The following OGDHL variants were observed in gnomAD, a reference collection of about 807,000 sequenced individuals.
The protein encoded by OGDHL is oxoglutarate dehydrogenase L.
A neutral mutation model predicts 109.6 loss-of-function variants in OGDHL; 79 were observed. That is an observed-to-expected ratio of 0.72 (90% CI 0.60 to 0.87). OGDHL has a LOEUF of 0.87. Among genes scored for constraint, OGDHL ranks in the 40% least tolerant of loss-of-function variants. The pLI, the probability that OGDHL is intolerant of heterozygous loss-of-function variation, is 0.00. For missense variants in OGDHL, 1,275 were observed against 1,362.2 expected (o/e 0.94, Z 1.01); for synonymous variants, 528 against 537.2 (o/e 0.98, Z 0.24).
In OGDHL at chr10:49,744,073, C is replaced by T. The variant is rs746358003; in HGVS notation, c.1782G>A (p.Thr594=). The T allele has an allele frequency of 1.3e-5, 21 of 1,614,098 alleles. 1 individual carries two copies. In the South Asian group the frequency reaches 1.5e-4, roughly 12 times the overall value. The part of the protein sequence containing the change: ...GEPKSMTCPA[T]GIPEDMLTHI... ...GGGTGAGCATGTCCTCAGGGATCCC[C>T]GTGGCTGGGCATGTCATGCTCTTGG... is the stretch of plus-strand genomic sequence containing the variant. Residue 594 remains threonine, a synonymous_variant, in exon 14 of 23, where the codon ACG becomes ACA. Transcript: ENST00000374103.
chr10:49,755,720 G>A (rs1171929209), intron 3 of OGDHL, among the ~76,000 whole-genome samples: 1 of 152,154 alleles, frequency 6.6e-6, no homozygotes, highest in East Asian at 1.9e-4. Context: ...ACTCTCTAAT[G>A]CCTCGTCTTG....
chr10:49,750,996 A>G lies in OGDHL; in HGVS notation c.750-11T>C, dbSNP rs1842550628. On this transcript the variant is annotated splice_polypyrimidine_tract_variant and intron_variant, in intron 6 of 22. Transcript: ENST00000374103. The stretch of plus-strand genomic sequence containing the variant: ...AGGAAGTCTTCAAACCTGCTTGGGG[A>G]GAGGATGGGAAGAGGAAAGGGAAAG... 2 of 1,587,990 alleles carry G rather than the reference A, an allele frequency of 1.3e-6. No homozygotes were observed. Among genetic ancestry groups the G allele is most frequent in the East Asian group, 2.3e-5 (1 of 44,254 alleles).
At chr10:49,741,180 G>C (rs916091718) in intron 15 of OGDHL, among the ~76,000 whole-genome samples, 1 of 152,100 alleles carries the variant, frequency 6.6e-6, no homozygotes, top group Non-Finnish European at 1.5e-5. Flanking sequence ...ACACTTCCCA[G>C]GTGCCAGCTA....
rs12357255 is a variant in OGDHL at position 49,736,483 on chromosome 10, G to A, written c.2628C>T (p.Ala876=). ...SFQRVIPEDG[A]AARAPEQVQR... is the part of the protein sequence containing the mutation. ...GCACCTGCTCAGGGGCCCGTGCTGC[G>A]GCCCCATCTTCAGGAATCACCCGCT... Residue 876 remains alanine, a synonymous_variant, in exon 21 of 23, where the codon GCC becomes GCT. Transcript: ENST00000374103. 58,157 of 1,613,706 alleles carry A rather than the reference G, an allele frequency of 0.036. 1,283 individuals are homozygous for A. The highest frequency in any genetic ancestry group is 0.068 in the Middle Eastern group (411 of 6,062).
intron 6 of OGDHL, 61 bp from the exon 7 acceptor site, chr10:49,751,046 C>A: frequency 1.4e-6 from 2 of 1,454,726 alleles, no homozygotes; most frequent in South Asian, 1.3e-5. Context: ...GGGACTGGGG[C>A]TCACAGGGGC....
intron 13 of OGDHL, among the ~76,000 whole-genome samples, chr10:49,744,350 C>T (rs1842022679): frequency 6.6e-6 from 1 of 152,182 alleles, no homozygotes; most frequent in East Asian, 1.9e-4. Context: ...CTCTTCTAAC[C>T]CTGCCCCCCA....
Position 49,736,019 on chromosome 10 carries a change from G to C in OGDHL, c.2909+4C>G, listed in dbSNP as rs371749856. On this transcript the variant is annotated splice_donor_region_variant and intron_variant, in intron 22 of 22. Coordinates refer to ENST00000374103, the MANE Select transcript of OGDHL (RefSeq NM_018245.3). ...GAGGGGCAATCAGCGGCCCCACCAT[G>C]TACCATATGGGCCGTGCGCGCCTCA... The C allele has an allele frequency of 7.0e-5, 110 of 1,567,856 alleles. No individual in the cohort carries two copies. Among genetic ancestry groups the C allele is most frequent in the Admixed American group, 9.2e-5 (5 of 54,064 alleles).
rs199675653 is a variant in OGDHL, at chr10:49,736,369, C to T, written c.2742G>A (p.Thr914=). 395 of 1,614,030 alleles carry T rather than the reference C, an allele frequency of 2.4e-4. No homozygotes were observed. Among genetic ancestry groups the T allele is most frequent in the Non-Finnish European group, 3.1e-4 (371 of 1,180,034 alleles). ...SQDLEEKVAI[T]RLEQISPFPF... is the part of the protein sequence containing the mutation. ...GGTTCAGGCACACCTGCTCCAGGCG[C>T]GTGATGGCCACTTTCTCCTCCAGGT... Residue 914 remains threonine, a synonymous_variant, in exon 21 of 23, where the codon ACG becomes ACA. Coordinates refer to ENST00000374103, the MANE Select transcript of OGDHL (RefSeq NM_018245.3).
At chr10:49,755,808 C>T (rs760171958) in intron 3 of OGDHL, among the ~76,000 whole-genome samples, 2 of 152,340 alleles carry the variant, frequency 1.3e-5, no homozygotes, top group Non-Finnish European at 2.9e-5. Context: ...GCACCCTGAA[C>T]GTTTCCCTGT....
At chr10:49,756,515 G>T in intron 3 of OGDHL, 3 of 334,186 alleles carry the variant, frequency 9.0e-6, no homozygotes, top group Non-Finnish European at 1.6e-5. Context: ...GCTCCTCCAC[G>T]TACTCGGGGC....
At chr10:49,743,252 A>G (rs1243603960) in intron 14 of OGDHL, among the ~76,000 whole-genome samples, 3 of 152,242 alleles carry the variant, frequency 2.0e-5, no homozygotes, top group Non-Finnish European at 4.4e-5. Flanking sequence ...TACTCAGATC[A>G]CACAGCTGTC....
At chr10:49,746,496 G>A (rs1320512522) in intron 10 of OGDHL, among the ~76,000 whole-genome samples, 3 of 152,218 alleles carry the variant, frequency 2.0e-5, no homozygotes, top group African/African-American at 7.2e-5. Context: ...ATGTGGGGCT[G>A]CACACGGCCA....
At position 49,749,815 on chromosome 10, in the gene OGDHL, C is replaced by T. The variant is rs771690965; in HGVS notation, c.898G>A (p.Gly300Arg). 6 of 1,591,084 alleles carry T rather than the reference C, an allele frequency of 3.8e-6. No homozygotes were observed. Among genetic ancestry groups the T allele is most frequent in the Non-Finnish European group, 5.1e-6 (6 of 1,172,680 alleles). Residue 300 changes from glycine (G) to arginine (R), a missense_variant and splice_region_variant, in exon 8 of 23, where the codon GGA becomes AGA. Coordinates refer to ENST00000374103, the MANE Select transcript of OGDHL (RefSeq NM_018245.3). ...ENVILGMPHR[G>R]RLNVLANVIR... ...ACGTTGGCCAGCACGTTCAGCCTTC[C>T]CCTGGAGCCAGAGGGGCCGGGCTCT...
intron 21 of OGDHL, 28 bp downstream of exon 21, chr10:49,736,329 C>A: frequency 6.2e-7 from 1 of 1,613,246 alleles, no homozygotes; most frequent in South Asian, 1.1e-5. Flanking sequence ...TTGCCCATCA[C>A]TTGACTGTAC....
At chr10:49,762,069 A>G (rs1274496525) in intron 1 of OGDHL, among the ~76,000 whole-genome samples, 170 bp downstream of exon 1, 1 of 151,990 alleles carries the variant, frequency 6.6e-6, no homozygotes, top group African/African-American at 2.4e-5. Flanking sequence ...CCAAGGTCAG[A>G]GCCAAGGTCA....
At chr10:49,749,453 C>T (rs755906628) in intron 8 of OGDHL, among the ~76,000 whole-genome samples, 8 of 152,172 alleles carry the variant, frequency 5.3e-5, no homozygotes, top group Non-Finnish European at 8.8e-5. Context: ...TTCCAGCAAG[C>T]CTTTGCATCT....
chr10:49,757,466 CA>C (rs1011606052), intron 2 of OGDHL, among the ~76,000 whole-genome samples: 1 of 152,206 alleles, frequency 6.6e-6, no homozygotes, highest in African/African-American at 2.4e-5. Context: ...CAATACCCAT[CA>C]AAATTATACA....
Position 49,738,230 on chromosome 10 carries a change from C to T in OGDHL, c.2352G>A (p.Arg784=), listed in dbSNP as rs747549636. 1.2e-6 allele frequency: 2 copies of T among 1,613,544 alleles called. No individual in the cohort carries two copies. Among genetic ancestry groups the T allele is most frequent in the East Asian group, 2.2e-5 (1 of 44,876 alleles). ...GPEHSSARPE[R]FLQMSNDDSD... ...AGTCATCATTGCTCATCTGCAGGAA[C>T]CTTTCGGGCCTCGCTGACGAGTGCT... Residue 784 remains arginine (R), a synonymous_variant, in exon 18 of 23, where the codon AGG becomes AGA. Coordinates refer to ENST00000374103, the MANE Select transcript of OGDHL (RefSeq NM_018245.3).
intron 4 of OGDHL, among the ~76,000 whole-genome samples, 156 bp downstream of exon 4, chr10:49,752,482 C>G (rs1842670388): frequency 6.6e-6 from 1 of 152,220 alleles, no homozygotes; most frequent in South Asian, 2.1e-4. Context: ...TTCTCAGGAA[C>G]AACAGGCAGT....
Sources: allele counts gnomAD v4.1 joint callset (sites outside exome capture counted in the v4.1 genomes callset), GRCh38; gene constraint gnomAD v4.1.1; transcripts MANE v1.5; gene names NCBI Gene and HGNC (gene_info 2026-07-23, HGNC 2026-07-21).